TIAM1: variants seen among roughly 807,000 people sequenced by gnomAD.
The protein encoded by TIAM1 is rho guanine nucleotide exchange factor TIAM1.
A neutral mutation model predicts 163.5 loss-of-function variants in TIAM1; 65 were observed. The observed-to-expected ratio is 0.40, with a 90% CI of 0.33 to 0.49. The LOEUF is 0.49. TIAM1 is among the 20% of genes least tolerant of loss of function. The pLI is 0.77. For synonymous variants in TIAM1, 833 were observed against 810.1 expected, an observed-to-expected ratio of 1.03 and a Z score of -0.48; for missense variants, 1,789 against 2,044.7, an observed-to-expected ratio of 0.87 and a Z score of 2.41.
chr21:31,412,837 G>T lies in TIAM1; in HGVS notation c.-369+51146C>A, dbSNP rs113951267. 1.4e-3 allele frequency among the ~76,000 whole-genome samples: 212 copies of T among 146,294 alleles called. 1 individual carries two copies. The highest frequency in any genetic ancestry group is 5.1e-3 in the African/African-American group (203 of 39,612). On this transcript the variant is annotated intron_variant, in intron 2 of 28. Transcript: ENST00000286827. ...AGCACGCAACCTAGATCCCTCGCTC[G>T]CATGTGCAGTTCACAATAGGGCTCA...
chr21:31,367,637 T>C (rs1458446746), intron 2 of TIAM1, among the ~76,000 whole-genome samples: 1 of 152,146 alleles, frequency 6.6e-6, no homozygotes, highest in Non-Finnish European at 1.5e-5. Flanking sequence ...CCTCATGCAT[T>C]CTATCTGAGA....
intron 2 of TIAM1, among the ~76,000 whole-genome samples, chr21:31,378,124 G>A (rs1408525984): frequency 1.3e-4 from 14 of 109,238 alleles, no homozygotes; most frequent in South Asian, 2.9e-4. Context: ...TAACAAGAGC[G>A]AAACTCTGTC....
intron 15 of TIAM1, among the ~76,000 whole-genome samples, chr21:31,180,180 ACAGGTGTGAG>A (rs2084948405): frequency 6.6e-6 from 1 of 152,190 alleles, no homozygotes; most frequent in Non-Finnish European, 1.5e-5. Flanking sequence ...TGCTGGGATT[ACAGGTGTGAG>A]CCACTGCGCC....
intron 1 of TIAM1, among the ~76,000 whole-genome samples, chr21:31,555,780 T>C (rs767834707): frequency 1.8e-4 from 27 of 152,196 alleles, no homozygotes; most frequent in Non-Finnish European, 3.8e-4. Flanking sequence ...CTTTAGACAG[T>C]ATGATCCTTG....
intron 1 of TIAM1, among the ~76,000 whole-genome samples, chr21:31,486,410 G>A (rs897446388): frequency 3.3e-5 from 5 of 152,238 alleles, no homozygotes; most frequent in Non-Finnish European, 5.9e-5. Flanking sequence ...TGAGCGTCCC[G>A]CTGTCCTGCA....
chr21:31,173,613 C>T (rs1391419125), intron 15 of TIAM1, among the ~76,000 whole-genome samples: 2 of 151,912 alleles, frequency 1.3e-5, no homozygotes, highest in Non-Finnish European at 2.9e-5. Context: ...AATAATAACT[C>T]CTTTTTAATC....
rs1484470861 is a variant in TIAM1 at position 31,251,755 on chromosome 21, C to T, written c.1398G>A (p.Trp466Ter). The T allele has an allele frequency of 6.3e-7, 1 of 1,595,478 alleles. No homozygotes were observed. Among genetic ancestry groups the T allele is most frequent in the Admixed American group, 1.7e-5 (1 of 59,244 alleles). Residue 466 changes from tryptophan to a stop codon, truncating the protein, a stop_gained, in exon 5 of 28, where the codon TGG becomes TGA. Coordinates refer to ENST00000541036, the MANE Select transcript of TIAM1 (RefSeq NM_001353694.2). LOFTEE classifies it high-confidence loss of function. The stretch of plus-strand genomic sequence containing the variant: ...TCCCGCTCTCACCTTTCAGGGACAC[C>T]CAGTAGTGCTTCCACTTCCTCCGGG... Reference protein sequence around the residue: ...SATRRKWKHYWVSLKGCTLFF... With the variant: ...SATRRKWKHY
intron 1 of TIAM1, among the ~76,000 whole-genome samples, chr21:31,481,110 T>C (rs1356413866): frequency 6.6e-6 from 1 of 152,190 alleles, no homozygotes; most frequent in Admixed American, 6.5e-5. Flanking sequence ...ATTGAGGTGC[T>C]GTCTGCATTG....
Position 31,245,715 on chromosome 21 carries a change from A to G in TIAM1, c.1412-55T>C. ...GTATTCAGTGCTTGGGAAACAAAAGAACCCACAGTTGAACCTAACATGTGC... is the reference window on the plus strand; with the variant it reads ...GTATTCAGTGCTTGGGAAACAAAAGGACCCACAGTTGAACCTAACATGTGC... On this transcript the variant is annotated intron_variant, in intron 5 of 27. Transcript: ENST00000541036. 3 of 1,338,152 alleles carry G rather than the reference A, an allele frequency of 2.2e-6. No individual in the cohort carries two copies. In the South Asian group the frequency reaches 6.9e-5, roughly 31 times the overall value. The allele number at this position is 1,338,152 out of a possible 1,614,324, so 82.9% of individuals were successfully genotyped here. A position where few individuals can be genotyped will look rare whatever the true frequency, so the allele number is the denominator to read the frequency against.
At chr21:31,299,981 C>T (rs2074439509) in intron 2 of TIAM1, among the ~76,000 whole-genome samples, 2 of 152,160 alleles carry the variant, frequency 1.3e-5, no homozygotes, top group South Asian at 4.2e-4. Flanking sequence ...GCTGACAGAG[C>T]TTGGATGTTG....
At chr21:31,291,724 T>C (rs1004788638) in intron 2 of TIAM1, among the ~76,000 whole-genome samples, 5 of 152,246 alleles carry the variant, frequency 3.3e-5, no homozygotes, top group African/African-American at 1.2e-4. Flanking sequence ...AGTTTCGCCA[T>C]GTTGGCCAGG....
intron 1 of TIAM1, among the ~76,000 whole-genome samples, chr21:31,526,414 CAG>C (rs2047786610): frequency 1.3e-5 from 2 of 152,202 alleles, no homozygotes; most frequent in Admixed American, 1.3e-4. Flanking sequence ...TATCTATGCT[CAG>C]GGGCTCCATG....
intron 2 of TIAM1, among the ~76,000 whole-genome samples, chr21:31,315,773 A>C (rs945804938): frequency 1.3e-5 from 2 of 151,144 alleles, no homozygotes; most frequent in African/African-American, 4.9e-5. Context: ...TGAGGTCAGG[A>C]GATTGAGGCC....
intron 2 of TIAM1, among the ~76,000 whole-genome samples, chr21:31,277,420 C>T (rs1349748676): frequency 3.3e-5 from 5 of 152,286 alleles, no homozygotes; most frequent in East Asian, 3.9e-4. Context: ...CCAAGGCAGG[C>T]GGATCACCTG....
chr21:31,469,438 C>T (rs1238210555), intron 1 of TIAM1, among the ~76,000 whole-genome samples: 1 of 152,040 alleles, frequency 6.6e-6, no homozygotes, highest in African/African-American at 2.4e-5. Context: ...CACTTTCTCT[C>T]GTGACTCTCT....
At chr21:31,530,164 G>A (rs2047926633) in intron 1 of TIAM1, among the ~76,000 whole-genome samples, 2 of 152,294 alleles carry the variant, frequency 1.3e-5, no homozygotes, top group African/African-American at 4.8e-5. Flanking sequence ...CCTCATCTGG[G>A]AAGGTCTCCT....
At chr21:31,148,124 A>T (rs1488757322) in intron 19 of TIAM1, among the ~76,000 whole-genome samples, 1 of 151,810 alleles carries the variant, frequency 6.6e-6, no homozygotes, top group Non-Finnish European at 1.5e-5. Context: ...GCCCTCCGCA[A>T]ATCTCCACCC....
At chr21:31,304,596 T>C (rs1181253626) in intron 2 of TIAM1, among the ~76,000 whole-genome samples, 1 of 152,220 alleles carries the variant, frequency 6.6e-6, no homozygotes, top group Admixed American at 6.5e-5. Flanking sequence ...GTGGTTGTGG[T>C]TGCTGAAAAT....
chr21:31,383,374 G>C (rs190798829), intron 2 of TIAM1, among the ~76,000 whole-genome samples: 15 of 152,258 alleles, frequency 9.9e-5, no homozygotes, highest in African/African-American at 3.1e-4. Context: ...GCATTACAAG[G>C]ATTGTGCAAA....
Sources: gnomAD v4.1 joint callset for allele counts (sites outside exome capture counted in the v4.1 genomes callset) on GRCh38, gnomAD v4.1.1 for gene constraint, MANE v1.5 for transcripts, NCBI Gene and HGNC (gene_info 2026-07-23, HGNC 2026-07-21) for gene names.